Variants in LRRC7 observed in about 807,000 individuals in gnomAD.
The protein encoded by LRRC7 is leucine rich repeat containing 7.
A neutral mutation model predicts 175.7 loss-of-function variants in LRRC7; 23 were observed. The observed-to-expected ratio is 0.13, with a 90% CI of 0.09 to 0.19. The LOEUF (loss-of-function observed/expected upper bound fraction) is 0.19. LRRC7 is among the 10% of genes least tolerant of loss of function. The probability of loss-of-function intolerance (pLI) is 1.00; values close to 1 mark genes in which losing one functional copy is unlikely to be tolerated. For missense variants in LRRC7, 1,354 were observed against 1,904.7 expected (o/e 0.71, Z 5.38); for synonymous variants, 685 against 680.9 (o/e 1.01, Z -0.09).
chr1:70,038,326 T>A lies in LRRC7; in HGVS notation c.2502T>A (p.Ser834Arg). The A allele has an allele frequency of 1.2e-6, 2 of 1,614,076 alleles. No individual in the cohort carries two copies. Among genetic ancestry groups the A allele is most frequent in the East Asian group, 2.2e-5 (1 of 44,864 alleles). The change falls in exon 21 of 27, where the codon AGT (serine) becomes AGA (arginine). Residue 834 changes from serine to arginine, a missense_variant. Coordinates refer to ENST00000651989, the MANE Select transcript of LRRC7 (RefSeq NM_001370785.2). ...AENANSNPLLSSKSRSTSSHG... is the reference protein window; with the variant it reads ...AENANSNPLLRSKSRSTSSHG... ...ATGCCAACAGTAATCCTCTCTTAAGTTCGAAATCTAGAAGCACATCTTCGC... is the reference window on the plus strand; with the variant it reads ...ATGCCAACAGTAATCCTCTCTTAAGATCGAAATCTAGAAGCACATCTTCGC...
intron 11 of LRRC7, among the ~76,000 whole-genome samples, chr1:70,000,522 G>C: frequency 6.6e-6 from 1 of 152,130 alleles, no homozygotes; most frequent in South Asian, 2.1e-4. Context: ...ATTAAGTGAC[G>C]CATGACTGTA....
rs1368646714 is a variant in LRRC7 at position 69,764,758 on chromosome 1, TAGATAGATAGATAGATAGATAGAC to T, written c.303+4369_303+4392del. 4.9e-4 allele frequency among the ~76,000 whole-genome samples: 73 copies of T among 147,498 alleles called. 3 individuals carry two copies. In the East Asian group the frequency reaches 0.013, roughly 27 times the overall value. On this transcript the variant is annotated intron_variant, in intron 3 of 26. Transcript: ENST00000651989. ...ATAGATAGATAGATAGATAGATAGA[TAGATAGATAGATAGATAGATAGAC>T]AGACAGACAGATAGATAACTGGGCA...
chr1:69,595,572 T>C (rs1646809122), intron 1 of LRRC7, among the ~76,000 whole-genome samples: 1 of 151,544 alleles, frequency 6.6e-6, no homozygotes, highest in South Asian at 2.1e-4. Flanking sequence ...TTTTCAATAG[T>C]GGTTACTCTG....
chr1:70,055,802 C>G (rs1013765424), intron 23 of LRRC7, among the ~76,000 whole-genome samples: 1 of 152,176 alleles, frequency 6.6e-6, no homozygotes, highest in Non-Finnish European at 1.5e-5. Context: ...GTCCCTCCTT[C>G]AACACTTGGG....
chr1:69,575,018 G>T (rs1645889383), intron 1 of LRRC7, among the ~76,000 whole-genome samples: 1 of 152,224 alleles, frequency 6.6e-6, no homozygotes, highest in African/African-American at 2.4e-5. Flanking sequence ...ACATACAGCT[G>T]TAATTGTTCT....
chr1:69,575,772 G>A (rs1030688636), intron 1 of LRRC7, among the ~76,000 whole-genome samples: 2 of 151,960 alleles, frequency 1.3e-5, no homozygotes, highest in African/African-American at 4.8e-5. Context: ...AATTTTATTA[G>A]GGGTCAACCA....
chr1:70,006,686 G>A (rs2101940257), intron 11 of LRRC7, among the ~76,000 whole-genome samples: 1 of 152,102 alleles, frequency 6.6e-6, no homozygotes, highest in East Asian at 1.9e-4. Context: ...CACAGGTTCA[G>A]GGCTCAGTCC....
rs1364142552 is a variant in LRRC7 at position 70,128,476 on chromosome 1, A to T, written c.*6589A>T. ...AATAGCCAAGTATCTTTACATCCAG[A>T]GTAAAGTATCTTAGTACAGGGAACT... On this transcript the variant is annotated 3_prime_UTR_variant, in exon 27 of 27. Coordinates refer to ENST00000651989, the MANE Select transcript of LRRC7 (RefSeq NM_001370785.2). 1.3e-5 allele frequency: 2 copies of T among 152,214 alleles called. No individual in the cohort carries two copies. The highest frequency in any genetic ancestry group is 4.8e-5 in the African/African-American group (2 of 41,450). 9.4% of individuals were successfully genotyped at this position (152,214 alleles called of 1,614,324 possible).
chr1:69,701,413 C>A (rs1484112553), intron 2 of LRRC7, among the ~76,000 whole-genome samples: 1 of 152,086 alleles, frequency 6.6e-6, no homozygotes, highest in African/African-American at 2.4e-5. Context: ...CACACTGAGC[C>A]CAGTGCCTGA....
intron 8 of LRRC7, among the ~76,000 whole-genome samples, chr1:69,971,972 A>G (rs1179912510): frequency 6.6e-6 from 1 of 152,198 alleles, no homozygotes; most frequent in Non-Finnish European, 1.5e-5. Flanking sequence ...AAACCCTCAT[A>G]CTTACAGCCA....
chr1:70,107,600 C>T lies in LRRC7; in HGVS notation c.4546-152C>T, dbSNP rs1571342844. ...CTTAAACTTGACTTGGAGAGTGCTG[C>T]CTTGCTTAAAATACTATAATATTCT... On this transcript the variant is annotated intron_variant, in intron 25 of 26. Coordinates refer to ENST00000651989, the MANE Select transcript of LRRC7 (RefSeq NM_001370785.2). 1.2e-5 allele frequency: 6 copies of T among 495,792 alleles called. No individual in the cohort carries two copies. The South Asian group carries it at 1.2e-4, about 10-fold the overall frequency. 30.7% of individuals were successfully genotyped at this position (495,792 alleles called of 1,614,324 possible).
intron 4 of LRRC7, among the ~76,000 whole-genome samples, 193 bp downstream of exon 4, chr1:69,792,353 T>C (rs1392006050): frequency 1.3e-5 from 2 of 152,082 alleles, no homozygotes; most frequent in South Asian, 2.1e-4. Flanking sequence ...CTCTTACTAA[T>C]GTGCTTGACT....
intron 7 of LRRC7, among the ~76,000 whole-genome samples, chr1:69,881,626 C>G (rs1468298750): frequency 1.3e-5 from 2 of 152,000 alleles, no homozygotes; most frequent in Non-Finnish European, 2.9e-5. Flanking sequence ...CACCTATAAT[C>G]TCAGAACTTT....
At chr1:69,758,392 AG>A (rs1173728382) in intron 2 of LRRC7, among the ~76,000 whole-genome samples, 1 of 152,014 alleles carries the variant, frequency 6.6e-6, no homozygotes. Flanking sequence ...ACCTGTCCCT[AG>A]AATATCCTTT....
intron 7 of LRRC7, among the ~76,000 whole-genome samples, chr1:69,928,600 A>C (rs184474876): frequency 5.3e-5 from 8 of 152,056 alleles, no homozygotes; most frequent in Middle Eastern, 3.4e-3. Context: ...TGGGCGTAGG[A>C]CCCTCCGAGC....
At position 70,143,727 on chromosome 1, in the gene LRRC7, A is replaced by T. The variant is rs892715564; in HGVS notation, c.*21840A>T. On this transcript the variant is annotated 3_prime_UTR_variant, in exon 27 of 27. Coordinates refer to ENST00000651989, the MANE Select transcript of LRRC7 (RefSeq NM_001370785.2). ...AAAACAAATTGCTTACTTTAATAATACAATTTTACCATTTTATAAAAAAAA... is the reference window on the plus strand; with the variant it reads ...AAAACAAATTGCTTACTTTAATAATTCAATTTTACCATTTTATAAAAAAAA... The T allele has an allele frequency of 2.6e-5, 4 of 152,078 alleles. No individual in the cohort carries two copies. The highest frequency in any genetic ancestry group is 1.5e-5 in the Non-Finnish European group (1 of 68,010). The allele number at this position is 152,078 out of a possible 1,614,324, so 9.4% of individuals were successfully genotyped here.
intron 18 of LRRC7, among the ~76,000 whole-genome samples, chr1:70,029,115 G>A (rs1658435031): frequency 1.3e-5 from 2 of 152,100 alleles, no homozygotes; most frequent in South Asian, 4.1e-4. Flanking sequence ...CTGCATTTCA[G>A]AGCATCATTT....
chr1:69,863,351 C>T (rs1336733178), intron 7 of LRRC7, among the ~76,000 whole-genome samples: 1 of 152,140 alleles, frequency 6.6e-6, no homozygotes, highest in Admixed American at 6.5e-5. Context: ...ATTATAAATT[C>T]TCTTATTTTT....
At chr1:70,019,675 T>C (rs1439414251) in intron 15 of LRRC7, among the ~76,000 whole-genome samples, 1 of 151,994 alleles carries the variant, frequency 6.6e-6, no homozygotes, top group African/African-American at 2.4e-5. Context: ...AAGTGAATCA[T>C]TTTGGAATAT....
Sources: gnomAD v4.1 joint callset for allele counts (sites outside exome capture counted in the v4.1 genomes callset) on GRCh38, gnomAD v4.1.1 for gene constraint, MANE v1.5 for transcripts, NCBI Gene and HGNC (gene_info 2026-07-23, HGNC 2026-07-21) for gene names.